The following GLIS3 variants were observed in gnomAD, a reference collection of about 807,000 sequenced individuals.
GLIS3 encodes GLIS family zinc finger 3.
A neutral mutation model predicts 78.6 loss-of-function variants in GLIS3; 53 were observed. That is an observed-to-expected ratio of 0.67 (90% CI 0.54 to 0.85). GLIS3 has a LOEUF of 0.85. Among genes scored for constraint, GLIS3 ranks in the 40% least tolerant of loss-of-function variants. The probability of loss-of-function intolerance (pLI) is 0.00; values close to 1 mark genes in which losing one functional copy is unlikely to be tolerated. For missense variants in GLIS3, 1,703 were observed against 1,231.1 expected (o/e 1.38, Z -5.74); for synonymous variants, 684 against 509.9 (o/e 1.34, Z -4.60).
Position 4,117,841 on chromosome 9 carries a change from T to C in GLIS3, c.1637A>G (p.Lys546Arg). 6.2e-7 allele frequency: 1 copy of C among 1,614,166 alleles called. No individual in the cohort carries two copies. The highest frequency in any genetic ancestry group is 1.3e-5 in the African/African-American group (1 of 75,028). ...CAGTTTATAGCGGGCGTTGAAGGGCTTGTATCTTCGAGGGCAACCGGCCCA... is the reference window on the plus strand; with the variant it reads ...CAGTTTATAGCGGGCGTTGAAGGGCCTGTATCTTCGAGGGCAACCGGCCCA... ...CFWAGCPRRY[K>R]PFNARYKLLI... Residue 546 changes from lysine to arginine, a missense_variant, in exon 4 of 11, where the codon AAG becomes AGG. Physicochemically the swap from Lys to Arg is conservative, Grantham distance 26 (BLOSUM62 2). Transcript: ENST00000381971.
chr9:3,873,558 G>T (rs1821101501), intron 8 of GLIS3, among the ~76,000 whole-genome samples: 1 of 152,074 alleles, frequency 6.6e-6, no homozygotes, highest in Non-Finnish European at 1.5e-5. Context: ...TATTGTGCTT[G>T]GTTGTGGGAC....
At chr9:4,401,135 C>A in the GLIS3 span, among the ~76,000 whole-genome samples, 229 of 152,328 alleles carry the variant, frequency 1.5e-3, 7 homozygotes, top group Admixed American at 0.014. Flanking sequence ...CAGACCTAGG[C>A]TCTTGGACAG....
At chr9:4,338,336 G>C (rs191289066) in intron 2 of GLIS3, among the ~76,000 whole-genome samples, 221 of 151,538 alleles carry the variant, frequency 1.5e-3, no homozygotes, top group Middle Eastern at 0.01. Flanking sequence ...TATATATAGA[G>C]AGATAGATGG....
At chr9:3,838,240 G>A (rs949253860) in intron 9 of GLIS3, among the ~76,000 whole-genome samples, 1 of 152,136 alleles carries the variant, frequency 6.6e-6, no homozygotes, top group Non-Finnish European at 1.5e-5. Flanking sequence ...TTTGTTGACT[G>A]AATAAATGTA....
intron 4 of GLIS3, among the ~76,000 whole-genome samples, chr9:4,038,903 C>T (rs1824557623): frequency 6.6e-6 from 1 of 152,092 alleles, no homozygotes; most frequent in Non-Finnish European, 1.5e-5. Flanking sequence ...TCACCTTTGC[C>T]CCCAGTGACC....
At chr9:4,029,274 C>T (rs928843635) in intron 4 of GLIS3, among the ~76,000 whole-genome samples, 1 of 151,770 alleles carries the variant, frequency 6.6e-6, no homozygotes, top group Non-Finnish European at 1.5e-5. Context: ...TTCCAGCAGA[C>T]CTTTTCCCCC....
chr9:3,900,224 A>G (rs567611913), intron 6 of GLIS3, among the ~76,000 whole-genome samples: 1 of 152,100 alleles, frequency 6.6e-6, no homozygotes, highest in Non-Finnish European at 1.5e-5. Flanking sequence ...AATGATAATA[A>G]GCGTGAAAAA....
In GLIS3 at chr9:3,825,049, T is replaced by G. The variant is rs1323356765; in HGVS notation, c.*3223A>C. ...ATACCAAATAATTAAATTGAAAATG[T>G]ACAGTTACTATTCCCAATACTTCAA... On this transcript the variant is annotated 3_prime_UTR_variant, in exon 11 of 11. Coordinates refer to ENST00000381971, the MANE Select transcript of GLIS3 (RefSeq NM_001042413.2). 1 of 152,206 alleles carries G rather than the reference T, an allele frequency of 6.6e-6. No homozygotes were observed. The highest frequency in any genetic ancestry group is 2.4e-5 in the African/African-American group (1 of 41,454). The allele number at this position is 152,206 out of a possible 1,614,324, so 9.4% of individuals were successfully genotyped here.
chr9:4,094,313 G>A (rs1321791713), intron 4 of GLIS3, among the ~76,000 whole-genome samples: 2 of 152,316 alleles, frequency 1.3e-5, no homozygotes, highest in East Asian at 1.9e-4. Context: ...AAATTGACAT[G>A]CTCATATGTG....
intron 4 of GLIS3, among the ~76,000 whole-genome samples, chr9:4,012,597 T>C (rs942395323): frequency 5.9e-5 from 9 of 152,114 alleles, no homozygotes; most frequent in Non-Finnish European, 1.3e-4. Flanking sequence ...TGGACTAGTG[T>C]GTAAAAACAT....
chr9:4,094,228 G>A (rs1053442106), intron 4 of GLIS3, among the ~76,000 whole-genome samples: 1 of 152,156 alleles, frequency 6.6e-6, no homozygotes, highest in African/African-American at 2.4e-5. Flanking sequence ...TTATTAAGAA[G>A]ACAAACATTT....
intron 3 of GLIS3, among the ~76,000 whole-genome samples, chr9:4,124,581 G>C (rs368481493): frequency 7.2e-5 from 11 of 152,184 alleles, no homozygotes; most frequent in African/African-American, 2.7e-4. Flanking sequence ...AATGACAGCA[G>C]CTTCCCATCA....
chr9:3,938,251 GA>G (rs1826003224), intron 4 of GLIS3, among the ~76,000 whole-genome samples: 2 of 152,158 alleles, frequency 1.3e-5, no homozygotes, highest in South Asian at 2.1e-4. Flanking sequence ...ACACCTACTG[GA>G]AAAAAAGCAT....
intron 8 of GLIS3, among the ~76,000 whole-genome samples, chr9:3,859,350 AAC>A (rs34973607): frequency 0.044 from 6,454 of 148,088 alleles, 139 homozygotes; most frequent in Middle Eastern, 0.073. Flanking sequence ...GTTTCTTCGA[AAC>A]ACACACACAC....
intron 4 of GLIS3, among the ~76,000 whole-genome samples, chr9:3,982,125 T>C (rs886554781): frequency 6.6e-6 from 1 of 152,184 alleles, no homozygotes; most frequent in African/African-American, 2.4e-5. Context: ...TGCTAATGCA[T>C]AGAACAGAAA....
Position 4,199,237 on chromosome 9 carries a change from T to C in GLIS3, c.389-73296A>G, listed in dbSNP as rs186010302. Among the ~76,000 whole-genome samples, 19 of 152,184 alleles carry C rather than the reference T, an allele frequency of 1.2e-4. No homozygotes were observed. The East Asian group carries it at 3.5e-3, about 28-fold the overall frequency. ...AGTATTAACCCTGAATGAAATGGCC[T>C]AAAACCCCCCACTTAAAAGGCACAG... is the stretch of plus-strand genomic sequence containing the variant. On this transcript the variant is annotated intron_variant, in intron 2 of 10. Transcript: ENST00000381971.
rs969544011 is a variant in GLIS3 at position 3,827,892 on chromosome 9, C to T, written c.*380G>A. ...TCACTATGCCTCTCGTAATTGAGGT[C>T]TTTTTCCCTGTTTGGAGTTTTCAGG... On this transcript the variant is annotated 3_prime_UTR_variant, in exon 11 of 11. Coordinates refer to ENST00000381971, the MANE Select transcript of GLIS3 (RefSeq NM_001042413.2). The T allele has an allele frequency of 1.9e-5, 6 of 317,154 alleles. No homozygotes were observed. Among genetic ancestry groups the T allele is most frequent in the Non-Finnish European group, 3.7e-5 (6 of 162,518 alleles). 19.6% of individuals were successfully genotyped at this position (317,154 alleles called of 1,614,324 possible).
chr9:4,066,857 C>T (rs545489229), intron 4 of GLIS3, among the ~76,000 whole-genome samples: 24 of 152,164 alleles, frequency 1.6e-4, no homozygotes, highest in African/African-American at 3.9e-4. Flanking sequence ...GTGGCACTTA[C>T]GGTGCAACAA....
At chr9:4,231,388 T>C (rs1395235681) in intron 2 of GLIS3, among the ~76,000 whole-genome samples, 1 of 152,172 alleles carries the variant, frequency 6.6e-6, no homozygotes, top group East Asian at 1.9e-4. Flanking sequence ...TAAGGTTCGG[T>C]TGAAAGGCCT....
Sources: allele counts gnomAD v4.1 joint callset (sites outside exome capture counted in the v4.1 genomes callset), GRCh38; gene constraint gnomAD v4.1.1; transcripts MANE v1.5; gene names NCBI Gene and HGNC (gene_info 2026-07-23, HGNC 2026-07-21).